Variants in RBFOX1 observed in about 807,000 individuals in gnomAD.
RBFOX1 encodes the protein RNA binding protein fox-1 homolog 1.
Under a neutral mutation model 57.7 loss-of-function variants are expected in RBFOX1, and 8 were observed. That is an observed-to-expected ratio of 0.14 (90% confidence interval 0.08 to 0.25). RBFOX1 has a LOEUF of 0.25. Among genes scored for constraint, RBFOX1 ranks in the 10% least tolerant of loss-of-function variants. The pLI is 1.00. For missense variants in RBFOX1, 611 were observed against 548.5 expected (o/e 1.11, Z -1.14); for synonymous variants, 326 against 222.4 (o/e 1.47, Z -4.15).
chr16:7,187,325 T>C (rs904576195), intron 4 of RBFOX1, among the ~76,000 whole-genome samples: 3 of 152,136 alleles, frequency 2.0e-5, no homozygotes, highest in African/African-American at 7.2e-5. Context: ...TTAATCCTTC[T>C]GAGAGATTAT....
At chr16:6,976,464 C>T (rs2086877078) in intron 3 of RBFOX1, among the ~76,000 whole-genome samples, 1 of 151,900 alleles carries the variant, frequency 6.6e-6, no homozygotes, top group South Asian at 2.1e-4. Context: ...GGAAAGGGGT[C>T]CTGATTTAGA....
intron 2 of RBFOX1, among the ~76,000 whole-genome samples, chr16:6,446,763 A>G (rs1043518173): frequency 1.3e-5 from 2 of 152,188 alleles, no homozygotes; most frequent in Non-Finnish European, 2.9e-5. Context: ...TTATTTATTT[A>G]GTGTCTGCAT....
intron 2 of RBFOX1, among the ~76,000 whole-genome samples, chr16:6,409,196 C>T (rs1209724047): frequency 6.6e-6 from 1 of 152,112 alleles, no homozygotes. Context: ...GGTGGATCAC[C>T]TGAGGTCAGG....
At chr16:6,496,494 A>T (rs903008212) in intron 2 of RBFOX1, among the ~76,000 whole-genome samples, 1 of 152,190 alleles carries the variant, frequency 6.6e-6, no homozygotes, top group Non-Finnish European at 1.5e-5. Flanking sequence ...TACAGAAACA[A>T]TCAGACGGGA....
intron 3 of RBFOX1, among the ~76,000 whole-genome samples, chr16:6,790,862 C>G (rs1013245443): frequency 1.3e-5 from 2 of 151,498 alleles, no homozygotes; most frequent in African/African-American, 4.8e-5. Context: ...TGTGTGTCAC[C>G]AAATTATGGT....
intron 1 of RBFOX1, among the ~76,000 whole-genome samples, chr16:5,387,186 C>G (rs1171876648): frequency 6.6e-6 from 1 of 152,142 alleles, no homozygotes; most frequent in Non-Finnish European, 1.5e-5. Context: ...TCATCTAGTA[C>G]TGTGCTTGGC....
At chr16:5,841,406 C>A (rs542362799) in intron 3 of RBFOX1, among the ~76,000 whole-genome samples, 1 of 152,192 alleles carries the variant, frequency 6.6e-6, no homozygotes, top group Non-Finnish European at 1.5e-5. Context: ...TTCTTCCTCT[C>A]TCCATAGTAT....
At chr16:7,406,212 C>T (rs1717716965) in intron 4 of RBFOX1, among the ~76,000 whole-genome samples, 2 of 152,158 alleles carry the variant, frequency 1.3e-5, no homozygotes, top group South Asian at 4.1e-4. Flanking sequence ...CATGCCTCAC[C>T]AAGGTAACAT....
At chr16:5,732,371 C>T (rs1053085139) in intron 3 of RBFOX1, among the ~76,000 whole-genome samples, 4 of 152,170 alleles carry the variant, frequency 2.6e-5, no homozygotes, top group African/African-American at 9.7e-5. Flanking sequence ...ACTGAAGATT[C>T]TCAGCCCAGA....
chr16:7,077,773 C>G (rs940541960), intron 4 of RBFOX1, among the ~76,000 whole-genome samples: 2 of 152,184 alleles, frequency 1.3e-5, no homozygotes, highest in Admixed American at 1.3e-4. Flanking sequence ...GCAGCTTTCC[C>G]TTGAACTGAT....
chr16:5,326,929 A>T (rs181593567), intron 1 of RBFOX1, among the ~76,000 whole-genome samples: 4 of 152,232 alleles, frequency 2.6e-5, no homozygotes, highest in Non-Finnish European at 4.4e-5. Context: ...CGAGCCAGGC[A>T]CTGTCCTAGG....
chr16:7,635,738 G>A (rs1311696067), intron 11 of RBFOX1, among the ~76,000 whole-genome samples: 1 of 152,104 alleles, frequency 6.6e-6, no homozygotes, highest in Admixed American at 6.5e-5. Context: ...TGACATAAAT[G>A]GTTGACAGTC....
intron 3 of RBFOX1, among the ~76,000 whole-genome samples, chr16:5,777,614 C>G (rs80082116): frequency 0.032 from 4,847 of 152,236 alleles, 250 homozygotes; most frequent in African/African-American, 0.11. Context: ...CTTCCTGAGT[C>G]TGAGTTAACT....
intron 3 of RBFOX1, among the ~76,000 whole-genome samples, chr16:6,699,938 T>G (rs1404067957): frequency 2.6e-5 from 4 of 152,194 alleles, no homozygotes; most frequent in Non-Finnish European, 5.9e-5. Context: ...ACACATTGTT[T>G]TGAGTTATTG....
intron 4 of RBFOX1, among the ~76,000 whole-genome samples, chr16:7,234,031 A>T (rs1031853020): frequency 6.6e-6 from 1 of 152,206 alleles, no homozygotes; most frequent in African/African-American, 2.4e-5. Context: ...GACAACATCA[A>T]GGAGTTACAT....
chr16:5,409,037 TCA>T, intron 1 of RBFOX1, among the ~76,000 whole-genome samples: 1 of 152,276 alleles, frequency 6.6e-6, no homozygotes, highest in East Asian at 1.9e-4. Flanking sequence ...TGTGGCTATC[TCA>T]CGCTGTTGGA....
intron 3 of RBFOX1, among the ~76,000 whole-genome samples, chr16:5,833,011 A>G (rs1167283009): frequency 6.6e-6 from 1 of 152,074 alleles, no homozygotes; most frequent in South Asian, 2.1e-4. Context: ...AAAGCCACCA[A>G]CCCCCCAAAA....
At chr16:5,809,970 A>T (rs1176965012) in intron 3 of RBFOX1, among the ~76,000 whole-genome samples, 1 of 152,218 alleles carries the variant, frequency 6.6e-6, no homozygotes, top group Non-Finnish European at 1.5e-5. Context: ...TGTGGCACAT[A>T]TACACCACGG....
intron 4 of RBFOX1, among the ~76,000 whole-genome samples, chr16:5,898,265 C>T (rs1438996183): frequency 6.6e-6 from 1 of 152,170 alleles, no homozygotes; most frequent in Non-Finnish European, 1.5e-5. Flanking sequence ...CCTTCCATGA[C>T]ACGTGGGGTT....
Sources: allele counts gnomAD v4.1 joint callset (sites outside exome capture counted in the v4.1 genomes callset), GRCh38; gene constraint gnomAD v4.1.1; transcripts MANE v1.5; gene names NCBI Gene and HGNC (gene_info 2026-07-23, HGNC 2026-07-21).